The following KHDRBS2 variants were observed in gnomAD, a reference collection of about 807,000 sequenced individuals.
KHDRBS2 encodes KH domain-containing, RNA-binding, signal transduction-associated protein 2.
Under a neutral mutation model 44.3 loss-of-function variants are expected in KHDRBS2, and 26 were observed. That is an observed-to-expected ratio of 0.59 (90% CI 0.43 to 0.81). The LOEUF (loss-of-function observed/expected upper bound fraction) is 0.81. Ranked by LOEUF, KHDRBS2 falls within the 40% of genes least tolerant of loss-of-function variation. The pLI, the probability that KHDRBS2 is intolerant of heterozygous loss-of-function variation, is 0.00. For missense variants in KHDRBS2, 476 were observed against 433.1 expected, an observed-to-expected ratio of 1.10 and a Z score of -0.88; for synonymous variants, 194 against 151.1, an observed-to-expected ratio of 1.28 and a Z score of -2.08.
the KHDRBS2 span, among the ~76,000 whole-genome samples, chr6:61,604,168 T>C: frequency 6.6e-6 from 1 of 152,216 alleles, no homozygotes; most frequent in Non-Finnish European, 1.5e-5. Context: ...TTATAGGGGC[T>C]GAAAGAAATT....
At chr6:62,121,611 G>T (rs766839565) in intron 2 of KHDRBS2, among the ~76,000 whole-genome samples, 7 of 152,168 alleles carry the variant, frequency 4.6e-5, no homozygotes, top group Non-Finnish European at 1.0e-4. Flanking sequence ...CCTTCAGCTG[G>T]CAAGGCCAGC....
At chr6:62,259,043 T>C (rs1375550701) in intron 1 of KHDRBS2, among the ~76,000 whole-genome samples, 1 of 152,076 alleles carries the variant, frequency 6.6e-6, no homozygotes, top group East Asian at 1.9e-4. Context: ...ACCAGTCTTG[T>C]GCTCTAATAG....
chr6:62,142,342 T>G (rs1813006477), intron 2 of KHDRBS2, among the ~76,000 whole-genome samples: 1 of 152,080 alleles, frequency 6.6e-6, no homozygotes, highest in Non-Finnish European at 1.5e-5. Flanking sequence ...TCTTGTAGCC[T>G]GAAAATTTGC....
At chr6:62,124,942 G>A (rs972228072) in intron 2 of KHDRBS2, among the ~76,000 whole-genome samples, 18 of 152,108 alleles carry the variant, frequency 1.2e-4, no homozygotes, top group African/African-American at 4.3e-4. Context: ...TCTGACTGGT[G>A]TAAGGTTATA....
chr6:61,932,123 G>GA (rs1810174863), intron 4 of KHDRBS2, among the ~76,000 whole-genome samples: 1 of 152,118 alleles, frequency 6.6e-6, no homozygotes, highest in Non-Finnish European at 1.5e-5. Context: ...TTGTAGTTAA[G>GA]TTTTTGGAGA....
intron 4 of KHDRBS2, among the ~76,000 whole-genome samples, chr6:61,916,083 G>A (rs1416788567): frequency 6.6e-6 from 1 of 151,980 alleles, no homozygotes; most frequent in African/African-American, 2.4e-5. Context: ...ACAGGTTTCC[G>A]AAACACTTAA....
At chr6:61,825,403 C>T (rs1387796006) in intron 6 of KHDRBS2, among the ~76,000 whole-genome samples, 1 of 152,136 alleles carries the variant, frequency 6.6e-6, no homozygotes, top group Non-Finnish European at 1.5e-5. Context: ...TCTAATCATG[C>T]TTAATCCTCT....
intron 2 of KHDRBS2, among the ~76,000 whole-genome samples, chr6:62,152,248 G>C (rs1319353027): frequency 6.6e-6 from 1 of 151,998 alleles, no homozygotes; most frequent in Non-Finnish European, 1.5e-5. Context: ...GAACCCGGGA[G>C]GCAGAGGTTG....
chr6:62,131,326 C>A (rs1223231439), intron 2 of KHDRBS2, among the ~76,000 whole-genome samples: 2 of 152,116 alleles, frequency 1.3e-5, no homozygotes, highest in Non-Finnish European at 2.9e-5. Flanking sequence ...TACAAGGATG[C>A]TTTTATTAGC....
At chr6:61,758,351 G>A (rs1164833153) in intron 6 of KHDRBS2, among the ~76,000 whole-genome samples, 4 of 151,732 alleles carry the variant, frequency 2.6e-5, no homozygotes, top group Non-Finnish European at 5.9e-5. Flanking sequence ...CCAAAAGCAC[G>A]TGCCATCTAA....
At chr6:61,682,074 T>TA (rs548559426) in intron 8 of KHDRBS2, among the ~76,000 whole-genome samples, 341 of 152,062 alleles carry the variant, frequency 2.2e-3, no homozygotes, top group African/African-American at 7.8e-3. Context: ...ATGGAAATAT[T>TA]AACTGGGAAA....
chr6:61,610,691 A>T, the KHDRBS2 span, among the ~76,000 whole-genome samples: 21 of 152,250 alleles, frequency 1.4e-4, no homozygotes, highest in Admixed American at 9.8e-4. Context: ...GAGAACAAGA[A>T]GGAAACCACA....
At chr6:61,633,174 T>C in the KHDRBS2 span, among the ~76,000 whole-genome samples, 1 of 151,878 alleles carries the variant, frequency 6.6e-6, no homozygotes, top group Non-Finnish European at 1.5e-5. Flanking sequence ...ACCAGCCAAA[T>C]AAAAGAACTG....
At chr6:61,950,626 C>G (rs1458850703) in intron 4 of KHDRBS2, among the ~76,000 whole-genome samples, 2 of 151,952 alleles carry the variant, frequency 1.3e-5, no homozygotes, top group Admixed American at 6.6e-5. Flanking sequence ...AAGTTATTGT[C>G]TTCCCTGGAG....
chr6:61,975,969 G>A (rs1772558126), intron 4 of KHDRBS2, among the ~76,000 whole-genome samples: 1 of 152,096 alleles, frequency 6.6e-6, no homozygotes. Context: ...AATGAGCAGT[G>A]AGCCTGGACT....
chr6:61,963,666 T>C (rs1327437704), intron 4 of KHDRBS2, among the ~76,000 whole-genome samples: 9 of 152,014 alleles, frequency 5.9e-5, no homozygotes, highest in Admixed American at 3.3e-4. Flanking sequence ...TGGGAAATGA[T>C]GTCCTAACCC....
intron 4 of KHDRBS2, among the ~76,000 whole-genome samples, chr6:61,914,924 C>G (rs565750052): frequency 6.6e-6 from 1 of 152,070 alleles, no homozygotes; most frequent in Admixed American, 6.6e-5. Flanking sequence ...AACGAGCAAT[C>G]CAGGTAGATG....
At chr6:61,687,111 T>C (rs1766900170) in intron 8 of KHDRBS2, among the ~76,000 whole-genome samples, 1 of 151,730 alleles carries the variant, frequency 6.6e-6, no homozygotes, top group African/African-American at 2.4e-5. Context: ...ATATAGTTTA[T>C]TATTTTAAGA....
the KHDRBS2 span, among the ~76,000 whole-genome samples, chr6:61,596,797 G>T: frequency 1.3e-5 from 2 of 152,034 alleles, no homozygotes; most frequent in Non-Finnish European, 2.9e-5. Flanking sequence ...GACTACAGGT[G>T]CATGCCACCA....
Sources: allele counts gnomAD v4.1 joint callset (sites outside exome capture counted in the v4.1 genomes callset), GRCh38; gene constraint gnomAD v4.1.1; transcripts MANE v1.5; gene names NCBI Gene and HGNC (gene_info 2026-07-23, HGNC 2026-07-21).